Variants in EPHA6 observed in about 807,000 individuals in gnomAD.
EPHA6 encodes the protein ephrin type-A receptor 6.
Under a neutral mutation model 112.0 loss-of-function variants are expected in EPHA6, and 50 were observed. The ratio of observed to expected loss-of-function variants is 0.45; its 90% CI spans 0.36 to 0.56. The LOEUF (loss-of-function observed/expected upper bound fraction) is 0.56, where lower values mean the gene tolerates loss of function less well. Among genes scored for constraint, EPHA6 ranks in the 20% least tolerant of loss-of-function variants. The pLI, the probability that EPHA6 is intolerant of heterozygous loss-of-function variation, is 0.00. For missense variants in EPHA6, 1,280 were observed against 1,417.4 expected, an observed-to-expected ratio of 0.90 and a Z score of 1.56; for synonymous variants, 529 against 490.7, an observed-to-expected ratio of 1.08 and a Z score of -1.03.
intron 10 of EPHA6, among the ~76,000 whole-genome samples, chr3:97,485,292 C>G (rs890268183): frequency 6.6e-6 from 1 of 152,178 alleles, no homozygotes; most frequent in Non-Finnish European, 1.5e-5. Context: ...CTGAAATATA[C>G]AGAGTCCCTT....
At chr3:97,575,121 T>C (rs1173486562) in intron 11 of EPHA6, among the ~76,000 whole-genome samples, 1 of 152,138 alleles carries the variant, frequency 6.6e-6, no homozygotes, top group Non-Finnish European at 1.5e-5. Flanking sequence ...AATAAGAGCA[T>C]AGGAAATTAG....
intron 6 of EPHA6, among the ~76,000 whole-genome samples, chr3:97,437,760 C>T (rs2089925819): frequency 6.6e-6 from 1 of 152,060 alleles, no homozygotes; most frequent in Non-Finnish European, 1.5e-5. Flanking sequence ...ACTCTACCTC[C>T]CAAGGTGCTG....
chr3:97,466,830 A>G (rs1271902468), intron 7 of EPHA6, among the ~76,000 whole-genome samples: 3 of 151,866 alleles, frequency 2.0e-5, no homozygotes, highest in African/African-American at 4.8e-5. Context: ...ATCTCAAAGT[A>G]CATATAAACT....
At chr3:97,138,473 A>G (rs922010710) in intron 3 of EPHA6, among the ~76,000 whole-genome samples, 4 of 152,176 alleles carry the variant, frequency 2.6e-5, no homozygotes, top group Admixed American at 6.5e-5. Flanking sequence ...TATCCCTCCC[A>G]AGACTGCCTG....
intron 5 of EPHA6, among the ~76,000 whole-genome samples, chr3:97,264,190 T>TC (rs2079596391): frequency 1.3e-5 from 2 of 152,228 alleles, no homozygotes; most frequent in Admixed American, 6.5e-5. Context: ...TCAGGCCCAC[T>TC]AGGCTCATTC....
chr3:96,946,163 A>T (rs1253902857), intron 2 of EPHA6, among the ~76,000 whole-genome samples: 1 of 151,790 alleles, frequency 6.6e-6, no homozygotes, highest in Non-Finnish European at 1.5e-5. Flanking sequence ...TCCCTATATG[A>T]TAGCTCATTT....
intron 2 of EPHA6, among the ~76,000 whole-genome samples, chr3:96,880,517 C>A (rs985956182): frequency 6.7e-6 from 1 of 148,864 alleles, no homozygotes; most frequent in African/African-American, 2.6e-5. Flanking sequence ...CTAATATTTT[C>A]CCCCCTTTTA....
intron 2 of EPHA6, among the ~76,000 whole-genome samples, chr3:96,896,347 G>A (rs1436757294): frequency 6.6e-6 from 1 of 152,094 alleles, no homozygotes; most frequent in East Asian, 1.9e-4. Flanking sequence ...GATTTCTTCA[G>A]CCTGTTTGAT....
rs1179281838 is a variant in EPHA6, at chr3:97,226,261, C to T, written c.1115-3C>T. 1.9e-6 allele frequency: 3 copies of T among 1,587,558 alleles called. No homozygotes were observed. In the East Asian group the frequency reaches 6.7e-5, roughly 36 times the overall value. ...AAAAAAGTGTTTTTTTCTCTTTTTACAGCTTGCAGACCAGGATTCTATAAA... is the reference window on the plus strand; with the variant it reads ...AAAAAAGTGTTTTTTTCTCTTTTTATAGCTTGCAGACCAGGATTCTATAAA... On this transcript the variant is annotated splice_region_variant and splice_polypyrimidine_tract_variant and intron_variant, in intron 3 of 17. Transcript: ENST00000389672.
At position 97,146,901 on chromosome 3, in the gene EPHA6, G is replaced by C. The variant is rs929449346; in HGVS notation, c.1115-79363G>C. Among the ~76,000 whole-genome samples, 10 of 151,886 alleles carry C rather than the reference G, an allele frequency of 6.6e-5. No homozygotes were observed. In the South Asian group the frequency reaches 1.7e-3, roughly 25 times the overall value. Reference sequence around the variant, plus strand: ...AAAAGAAAAATAATTACAATGTGTGGAGTGATGTAAATTGCTCTTTTAATT... The same window carrying C: ...AAAAGAAAAATAATTACAATGTGTGCAGTGATGTAAATTGCTCTTTTAATT... On this transcript the variant is annotated intron_variant, in intron 3 of 17. Transcript: ENST00000389672.
At chr3:96,837,236 C>T (rs1470532809) in intron 1 of EPHA6, among the ~76,000 whole-genome samples, 1 of 152,040 alleles carries the variant, frequency 6.6e-6, no homozygotes, top group African/African-American at 2.4e-5. Flanking sequence ...GCACAGAGTA[C>T]AGAAATACAT....
intron 5 of EPHA6, among the ~76,000 whole-genome samples, chr3:97,339,739 G>A (rs561120466): frequency 2.6e-5 from 4 of 152,072 alleles, no homozygotes; most frequent in Non-Finnish European, 4.4e-5. Flanking sequence ...TAAAATAAAC[G>A]ACACATATGT....
At position 97,755,815 on chromosome 3, in the gene EPHA6, T is replaced by C. The variant is rs55730070; in HGVS notation, c.*7114T>C. On this transcript the variant is annotated 3_prime_UTR_variant, in exon 18 of 18. Coordinates refer to ENST00000389672, the MANE Select transcript of EPHA6 (RefSeq NM_001080448.3). ...GCTCATCCTTAGAACAGTCTTAATT[T>C]GGCTCTGTTCTATAAAGACTCAATA... is the stretch of plus-strand genomic sequence containing the variant. Among the ~76,000 whole-genome samples, 3 of 152,094 alleles carry C rather than the reference T, an allele frequency of 2.0e-5. No homozygotes were observed. The highest frequency in any genetic ancestry group is 2.9e-5 in the Non-Finnish European group (2 of 67,930).
chr3:97,401,629 C>G (rs2086997440), intron 5 of EPHA6, among the ~76,000 whole-genome samples: 1 of 151,500 alleles, frequency 6.6e-6, no homozygotes, highest in Non-Finnish European at 1.5e-5. Context: ...ATATTAATTT[C>G]ATTGATGTTT....
chr3:97,350,131 C>T (rs1577058559), intron 5 of EPHA6, among the ~76,000 whole-genome samples: 1 of 151,722 alleles, frequency 6.6e-6, no homozygotes, highest in East Asian at 1.9e-4. Flanking sequence ...TTCACTCTTC[C>T]AGCTTTGGAT....
chr3:97,530,483 C>T (rs886290083), intron 10 of EPHA6, among the ~76,000 whole-genome samples: 1 of 151,746 alleles, frequency 6.6e-6, no homozygotes, highest in Admixed American at 6.6e-5. Context: ...ACAGCTTTGA[C>T]ATGGTATTAC....
intron 11 of EPHA6, among the ~76,000 whole-genome samples, chr3:97,566,780 G>A (rs968589689): frequency 2.0e-5 from 3 of 152,042 alleles, no homozygotes; most frequent in South Asian, 4.2e-4. Context: ...TTTACTATCC[G>A]GTGAGCTTTT....
chr3:97,111,774 G>A (rs956452986), intron 3 of EPHA6, among the ~76,000 whole-genome samples: 4 of 151,792 alleles, frequency 2.6e-5, no homozygotes, highest in African/African-American at 9.7e-5. Flanking sequence ...TATTCCTGAA[G>A]GACATTGTTC....
chr3:97,437,034 A>ATT (rs565935500), intron 6 of EPHA6, among the ~76,000 whole-genome samples: 13 of 137,574 alleles, frequency 9.4e-5, no homozygotes, highest in South Asian at 2.3e-4. Context: ...ACATTATGAG[A>ATT]TTTTTTTTTT....
Sources: allele counts gnomAD v4.1 joint callset (sites outside exome capture counted in the v4.1 genomes callset), GRCh38; gene constraint gnomAD v4.1.1; transcripts MANE v1.5; gene names NCBI Gene and HGNC (gene_info 2026-07-23, HGNC 2026-07-21).